Variants in ACMSD observed in about 807,000 individuals in gnomAD.
The protein encoded by ACMSD is aminocarboxymuconate semialdehyde decarboxylase.
A neutral mutation model predicts 45.9 loss-of-function variants in ACMSD; 37 were observed. That is an observed-to-expected ratio of 0.81 (90% confidence interval 0.62 to 1.06). The LOEUF (loss-of-function observed/expected upper bound fraction) is 1.06. Ranked by LOEUF, ACMSD falls within the 50% of genes least tolerant of loss-of-function variation. The pLI is 0.00. For synonymous variants in ACMSD, 138 were observed against 148.8 expected, an observed-to-expected ratio of 0.93 and a Z score of 0.53; for missense variants, 434 against 420.9, an observed-to-expected ratio of 1.03 and a Z score of -0.27.
At chr2:134,840,194 C>CAAAAAAAAAAAAAAAAAAA (rs1300580743) in intron 1 of ACMSD, among the ~76,000 whole-genome samples, 1 of 68,740 alleles carries the variant, frequency 1.5e-5, no homozygotes, top group Admixed American at 2.0e-4. Context: ...AAAAAAAAAA[C>CAAAAAAAAAAAAAAAAAAA]CACTAATTCC....
At chr2:134,842,728 T>A (rs1262886211) in intron 1 of ACMSD, among the ~76,000 whole-genome samples, 1 of 152,128 alleles carries the variant, frequency 6.6e-6, no homozygotes, top group Non-Finnish European at 1.5e-5. Context: ...CTCAGCTAAT[T>A]CCCCTGAAAA....
intron 8 of ACMSD, among the ~76,000 whole-genome samples, chr2:134,880,834 G>A (rs758979425): frequency 2.0e-5 from 3 of 152,266 alleles, no homozygotes; most frequent in Admixed American, 1.3e-4. Context: ...CAAGACAGAG[G>A]TAATAATTGC....
At chr2:134,895,817 C>T (rs1442033330) in intron 8 of ACMSD, among the ~76,000 whole-genome samples, 1 of 152,160 alleles carries the variant, frequency 6.6e-6, no homozygotes, top group Non-Finnish European at 1.5e-5. Context: ...GCCAGGATCG[C>T]ACCATTACAC....
intron 2 of ACMSD, among the ~76,000 whole-genome samples, chr2:134,845,552 T>TCTCTCTCTCTCC (rs1687016471): frequency 1.5e-5 from 2 of 131,568 alleles, no homozygotes; most frequent in Non-Finnish European, 3.2e-5. Flanking sequence ...TCTCTCTCTC[T>TCTCTCTCTCTCC]CTCCCCTCTC....
rs191366435 is a variant in ACMSD, at chr2:134,890,428, G to A, written c.850-7913G>A. On this transcript the variant is annotated intron_variant, in intron 8 of 9. Transcript: ENST00000356140. The stretch of plus-strand genomic sequence containing the variant: ...AAAGGCCAACTGATCCAAATTAAGG[G>A]AAACTTCAGAGACATAACAACTAAA... Among the ~76,000 whole-genome samples the A allele has an allele frequency of 1.1e-3, 172 of 152,014 alleles. 5 individuals are homozygous for A. The Middle Eastern group carries it at 0.041, about 36-fold the overall frequency.
intron 2 of ACMSD, among the ~76,000 whole-genome samples, chr2:134,846,193 AAAC>A (rs1319136722): frequency 6.6e-6 from 1 of 152,152 alleles, no homozygotes; most frequent in Non-Finnish European, 1.5e-5. Flanking sequence ...ATGAAATATT[AAAC>A]ATATGTAAGC....
chr2:134,856,412 G>A (rs1302459760), intron 2 of ACMSD, among the ~76,000 whole-genome samples: 1 of 152,134 alleles, frequency 6.6e-6, no homozygotes, highest in Non-Finnish European at 1.5e-5. Flanking sequence ...TTGGTCCCCT[G>A]CTCTGAGTAT....
chr2:134,893,192 C>A (rs1689895914), intron 8 of ACMSD, among the ~76,000 whole-genome samples: 1 of 148,952 alleles, frequency 6.7e-6, no homozygotes, highest in Admixed American at 6.9e-5. Context: ...ACCTTTTCTT[C>A]CAATATATCA....
chr2:134,863,257 T>A, intron 4 of ACMSD, 138 bp from the exon 5 acceptor site: 1 of 1,008,928 alleles, frequency 9.9e-7, no homozygotes, highest in Non-Finnish European at 1.5e-6. Flanking sequence ...CCTTTCCCAA[T>A]CTGTGCCTCT....
intron 1 of ACMSD, among the ~76,000 whole-genome samples, chr2:134,843,529 C>T (rs1349898754): frequency 6.6e-6 from 1 of 152,156 alleles, no homozygotes; most frequent in East Asian, 1.9e-4. Context: ...TCCCCTCAGT[C>T]TAGTGGTGAA....
At chr2:134,872,919 T>A (rs1688531731) in intron 8 of ACMSD, 3 of 382,914 alleles carry the variant, frequency 7.8e-6, no homozygotes, top group Admixed American at 3.6e-5. Context: ...CAGCTCCTCT[T>A]CCTTAGCGAC....
intron 8 of ACMSD, among the ~76,000 whole-genome samples, chr2:134,884,693 T>C (rs985567228): frequency 6.6e-6 from 1 of 152,160 alleles, no homozygotes; most frequent in Non-Finnish European, 1.5e-5. Flanking sequence ...GGTGTATTTG[T>C]TTGGTTTCAT....
At chr2:134,896,924 C>T (rs574313666) in intron 8 of ACMSD, among the ~76,000 whole-genome samples, 55 of 152,184 alleles carry the variant, frequency 3.6e-4, no homozygotes, top group African/African-American at 1.3e-3. Flanking sequence ...AGAGGGTAAA[C>T]TAGTGTTTTC....
intron 8 of ACMSD, chr2:134,873,478 T>C (rs1205375613): frequency 6.6e-6 from 1 of 152,208 alleles, no homozygotes; most frequent in Non-Finnish European, 1.5e-5. Flanking sequence ...GGAAAAATCT[T>C]TGGGGTTAAA....
chr2:134,869,010 T>C (rs1688280823), intron 6 of ACMSD: 1 of 152,078 alleles, frequency 6.6e-6, no homozygotes, highest in Admixed American at 6.5e-5. Context: ...AAAGGCCTCT[T>C]TCTGCTCATG....
In ACMSD at chr2:134,869,706, G is replaced by GTATATATATA. The variant is rs149963659; in HGVS notation, c.581-1247_581-1238dup. The stretch of plus-strand genomic sequence containing the variant: ...GTTAGAGGAAAGAGATTATAAACAA[G>GTATATATATA]TATATATATATATATATATATCACA... On this transcript the variant is annotated intron_variant, in intron 6 of 9. Coordinates refer to ENST00000356140, the MANE Select transcript of ACMSD (RefSeq NM_138326.3). 3.7e-3 allele frequency among the ~76,000 whole-genome samples: 544 copies of GTATATATATA among 145,348 alleles called. 6 individuals are homozygous for GTATATATATA. Among genetic ancestry groups the GTATATATATA allele is most frequent in the African/African-American group, 0.013 (522 of 39,536 alleles).
At chr2:134,857,812 C>T (rs965405535) in intron 2 of ACMSD, 1 of 149,922 alleles carries the variant, frequency 6.7e-6, no homozygotes, top group Non-Finnish European at 1.5e-5. Context: ...ATGATGTTAG[C>T]TGTGGGATTG....
chr2:134,886,833 T>C (rs1421773514), intron 8 of ACMSD, among the ~76,000 whole-genome samples: 1 of 152,194 alleles, frequency 6.6e-6, no homozygotes, highest in African/African-American at 2.4e-5. Flanking sequence ...TAATTGTTTA[T>C]GTAATAAATT....
At chr2:134,884,038 G>T (rs904954263) in intron 8 of ACMSD, among the ~76,000 whole-genome samples, 2 of 152,124 alleles carry the variant, frequency 1.3e-5, no homozygotes, top group African/African-American at 4.8e-5. Flanking sequence ...GTCAGAAATG[G>T]TCAAAGATTT....
Sources: allele counts gnomAD v4.1 joint callset (sites outside exome capture counted in the v4.1 genomes callset), GRCh38; gene constraint gnomAD v4.1.1; transcripts MANE v1.5; gene names NCBI Gene and HGNC (gene_info 2026-07-23, HGNC 2026-07-21).